The following CPEB3 variants were observed in gnomAD, a reference collection of about 807,000 sequenced individuals.
CPEB3 encodes cytoplasmic polyadenylation element-binding protein 3.
Under a neutral mutation model 67.2 loss-of-function variants are expected in CPEB3, and 20 were observed. The ratio of observed to expected loss-of-function variants is 0.30; its 90% CI spans 0.21 to 0.43. The LOEUF is 0.43. CPEB3 is among the 20% of genes least tolerant of loss of function. The pLI is 1.00. For missense variants in CPEB3, 746 were observed against 968.6 expected (o/e 0.77, Z 3.05); for synonymous variants, 376 against 393.1 (o/e 0.96, Z 0.51).
chr10:92,127,003 A>G (rs1171429096), intron 6 of CPEB3, among the ~76,000 whole-genome samples: 2 of 152,248 alleles, frequency 1.3e-5, no homozygotes, highest in Admixed American at 6.5e-5. Flanking sequence ...CCAAGTATGC[A>G]AAGTACTTGG....
At chr10:92,222,079 C>CT (rs1262600347) in intron 2 of CPEB3, among the ~76,000 whole-genome samples, 9 of 152,068 alleles carry the variant, frequency 5.9e-5, no homozygotes, top group African/African-American at 1.9e-4. Flanking sequence ...TTTATCTTCC[C>CT]TATAAAAAAT....
chr10:92,284,550 T>C (rs554089753), intron 1 of CPEB3, among the ~76,000 whole-genome samples: 2 of 152,262 alleles, frequency 1.3e-5, no homozygotes, highest in African/African-American at 2.4e-5. Context: ...TACACGCTGT[T>C]CTTTGGCCTG....
intron 6 of CPEB3, among the ~76,000 whole-genome samples, chr10:92,130,470 T>C (rs1309335653): frequency 6.6e-6 from 1 of 152,152 alleles, no homozygotes; most frequent in Non-Finnish European, 1.5e-5. Context: ...AACCATTTCC[T>C]TACTTGTGGT....
At position 92,240,313 on chromosome 10, in the gene CPEB3, T is replaced by C; in HGVS notation, c.38A>G (p.Gln13Arg). Residue 13 changes from glutamine to arginine, a missense_variant, in exon 2 of 10, where the codon CAG (glutamine) becomes CGG (arginine). Gln to Arg is a conservative substitution (Grantham distance 43). This residue lies in a region of CPEB3 where 643 missense variants were observed against 717.5 expected (regional missense o/e 0.90). Transcript: ENST00000265997. The stretch of plus-strand genomic sequence containing the variant: ...CCGCTGCTGCTGCTGGGGCTGGGGC[T>C]GGGTTTTGCTTTTGTCCATCAGTAA... Reference protein sequence around the residue: ...DDLLMDKSKTQPQPQQQQRQQ... With the variant: ...DDLLMDKSKTRPQPQQQQRQQ... The C allele has an allele frequency of 6.7e-7, 1 of 1,500,396 alleles. No individual in the cohort carries two copies. The highest frequency in any genetic ancestry group is 8.9e-7 in the Non-Finnish European group (1 of 1,125,120). 92.9% of individuals were successfully genotyped at this position (1,500,396 alleles called of 1,614,324 possible).
chr10:92,098,434 A>T (rs1296927433), intron 7 of CPEB3, among the ~76,000 whole-genome samples: 1 of 151,776 alleles, frequency 6.6e-6, no homozygotes. Flanking sequence ...TCAGCCTCCC[A>T]AGTAGCTGGG....
intron 2 of CPEB3, among the ~76,000 whole-genome samples, chr10:92,202,428 A>T (rs1849563407): frequency 6.6e-6 from 1 of 151,158 alleles, no homozygotes; most frequent in African/African-American, 2.4e-5. Context: ...AAATTTTGGC[A>T]CATGCATATA....
intron 9 of CPEB3, among the ~76,000 whole-genome samples, chr10:92,065,021 A>G (rs1842492061): frequency 6.6e-6 from 1 of 152,254 alleles, no homozygotes; most frequent in Non-Finnish European, 1.5e-5. Flanking sequence ...GTGAGAAATC[A>G]ACTGATAACA....
chr10:92,112,126 C>CTT (rs201432910), intron 6 of CPEB3, among the ~76,000 whole-genome samples: 1,906 of 121,672 alleles, frequency 0.016, 18 homozygotes, highest in Non-Finnish European at 0.021. Context: ...GACCACGTTC[C>CTT]TTTTTTTTTT....
intron 1 of CPEB3, among the ~76,000 whole-genome samples, chr10:92,244,485 T>C (rs1042568875): frequency 6.6e-6 from 1 of 151,792 alleles, no homozygotes; most frequent in African/African-American, 2.4e-5. Context: ...TTGCCTAGGC[T>C]GGAGTACAGT....
intron 4 of CPEB3, among the ~76,000 whole-genome samples, chr10:92,157,062 T>TTGTG (rs1847241419): frequency 1.3e-5 from 2 of 152,160 alleles, no homozygotes; most frequent in African/African-American, 4.8e-5. Flanking sequence ...AAGACACAGA[T>TTGTG]TGTGATCTTG....
At chr10:92,159,882 C>A (rs1243608020) in intron 4 of CPEB3, among the ~76,000 whole-genome samples, 1 of 152,080 alleles carries the variant, frequency 6.6e-6, no homozygotes, top group Non-Finnish European at 1.5e-5. Flanking sequence ...AAAGGATTAT[C>A]CAGCTCAAGC....
intron 4 of CPEB3, among the ~76,000 whole-genome samples, chr10:92,146,599 A>AGTT (rs1278692461): frequency 1.3e-5 from 2 of 152,224 alleles, no homozygotes; most frequent in Non-Finnish European, 2.9e-5. Flanking sequence ...AAAAAGTTAA[A>AGTT]GTTATTAATA....
At position 92,110,186 on chromosome 10, in the gene CPEB3, C is replaced by T. The variant is rs189750262; in HGVS notation, c.1572+890G>A. 9.8e-5 allele frequency among the ~76,000 whole-genome samples: 15 copies of T among 152,298 alleles called. 1 individual carries two copies. Among genetic ancestry groups the T allele is most frequent in the African/African-American group, 2.9e-4 (12 of 41,560 alleles). On this transcript the variant is annotated intron_variant, in intron 7 of 9. Transcript: ENST00000265997. ...CCCCATGCACATTTCTGAAAATAAACCTAGCTGCTAAGTAGGCCCTACATT... is the reference window on the plus strand; with the variant it reads ...CCCCATGCACATTTCTGAAAATAAATCTAGCTGCTAAGTAGGCCCTACATT...
At chr10:92,290,463 G>C (rs747845306) in intron 1 of CPEB3, among the ~76,000 whole-genome samples, 16 of 152,164 alleles carry the variant, frequency 1.1e-4, no homozygotes, top group Non-Finnish European at 2.2e-4. Flanking sequence ...GAGTAAGCAA[G>C]AGCTGTTTAT....
Position 92,051,936 on chromosome 10 carries a change from A to T in CPEB3, c.*276T>A. Reference sequence around the variant, plus strand: ...AGTCTACATACTGTCACGAGTGACAAATCAGGTATAAAAAATTAAGGTACC... The same window carrying T: ...AGTCTACATACTGTCACGAGTGACATATCAGGTATAAAAAATTAAGGTACC... On this transcript the variant is annotated 3_prime_UTR_variant, in exon 10 of 10. Coordinates refer to ENST00000265997, the MANE Select transcript of CPEB3 (RefSeq NM_014912.5). 2 of 331,768 alleles carry T rather than the reference A, an allele frequency of 6.0e-6. No homozygotes were observed. 20.6% of individuals were successfully genotyped at this position (331,768 alleles called of 1,614,324 possible).
At chr10:92,199,694 A>C (rs1276194048) in intron 2 of CPEB3, among the ~76,000 whole-genome samples, 1 of 151,342 alleles carries the variant, frequency 6.6e-6, no homozygotes, top group Non-Finnish European at 1.5e-5. Flanking sequence ...AAAAAAAAAA[A>C]AAAAAAAAGG....
At chr10:92,209,763 C>T (rs966288031) in intron 2 of CPEB3, among the ~76,000 whole-genome samples, 1 of 149,942 alleles carries the variant, frequency 6.7e-6, no homozygotes, top group African/African-American at 2.5e-5. Context: ...ACAGTGAAAC[C>T]CCATCTCAAC....
At chr10:92,103,736 G>GA (rs1460380355) in intron 7 of CPEB3, among the ~76,000 whole-genome samples, 5 of 152,218 alleles carry the variant, frequency 3.3e-5, no homozygotes, top group African/African-American at 1.2e-4. Context: ...CAAAGCTTGA[G>GA]AAAAATGAGT....
chr10:92,085,499 T>C (rs567018868), intron 8 of CPEB3, among the ~76,000 whole-genome samples: 1 of 152,330 alleles, frequency 6.6e-6, no homozygotes, highest in Admixed American at 6.5e-5. Flanking sequence ...TGCAGCAATA[T>C]GGAGCATAGC....
Sources: allele counts gnomAD v4.1 joint callset (sites outside exome capture counted in the v4.1 genomes callset), GRCh38; gene constraint gnomAD v4.1.1; regional missense constraint gnomAD v4.1.1; transcripts MANE v1.5; gene names NCBI Gene and HGNC (gene_info 2026-07-23, HGNC 2026-07-21).